Variants in ANGPT2 observed in about 807,000 individuals in gnomAD.
ANGPT2 encodes angiopoietin-2.
In ANGPT2, 28 loss-of-function variants were observed where a neutral mutation model predicts 62.9. That is an observed-to-expected ratio of 0.44 (90% confidence interval 0.33 to 0.61). ANGPT2 has a LOEUF of 0.61. Ranked by LOEUF, ANGPT2 falls within the 20% of genes least tolerant of loss-of-function variation. ANGPT2 has a pLI of 0.03. For missense variants in ANGPT2, 727 were observed against 594.9 expected, an observed-to-expected ratio of 1.22 and a Z score of -2.31; for synonymous variants, 284 against 207.8, an observed-to-expected ratio of 1.37 and a Z score of -3.15.
At chr8:6,531,625 T>C (rs779903838) in intron 2 of ANGPT2, among the ~76,000 whole-genome samples, 1 of 152,178 alleles carries the variant, frequency 6.6e-6, no homozygotes, top group Non-Finnish European at 1.5e-5. Context: ...TTTCTGTTAT[T>C]ATTAATCACT....
At chr8:6,504,213 G>C (rs892951686) in intron 8 of ANGPT2, among the ~76,000 whole-genome samples, 2 of 150,872 alleles carry the variant, frequency 1.3e-5, no homozygotes, top group East Asian at 3.9e-4. Context: ...AGCTACTCGG[G>C]AGGCTGAGGC....
chr8:6,532,586 A>AG, intron 1 of ANGPT2, 99 bp from the exon 2 acceptor site: 1 of 887,572 alleles, frequency 1.1e-6, no homozygotes, highest in East Asian at 3.0e-5. Flanking sequence ...AAAAAAAAAA[A>AG]AAAAAATCTA....
intron 1 of ANGPT2, among the ~76,000 whole-genome samples, chr8:6,542,626 G>T (rs544276637): frequency 6.6e-6 from 1 of 151,740 alleles, no homozygotes; most frequent in Non-Finnish European, 1.5e-5. Flanking sequence ...TGTCTGAGGA[G>T]CATTAACATT....
rs562047750 is a variant in ANGPT2 at position 6,517,876 on chromosome 8, T to C, written c.927+1988A>G. On this transcript the variant is annotated intron_variant, in intron 5 of 8. Transcript: ENST00000629816. ...TTAAGTCTGGAAGGGAATTTAGAAG[T>C]AACAATTGACACCACTTATTTTTCA... 1.5e-3 allele frequency among the ~76,000 whole-genome samples: 229 copies of C among 152,340 alleles called. 1 individual carries two copies. The highest frequency in any genetic ancestry group is 2.4e-3 in the Non-Finnish European group (166 of 68,028).
rs1272086949 is a variant in ANGPT2, at chr8:6,527,542, G to A, written c.566+13C>T. ...GCAGTCCTGAATTATAAATGTTTTA[G>A]TACTGTTATTACCTGTTCTTATCTT... On this transcript the variant is annotated intron_variant, in intron 3 of 8. Coordinates refer to ENST00000629816, the MANE Select transcript of ANGPT2 (RefSeq NM_001118887.2). The A allele has an allele frequency of 1.2e-6, 2 of 1,611,566 alleles. No individual in the cohort carries two copies. The highest frequency in any genetic ancestry group is 1.1e-5 in the South Asian group (1 of 90,540).
intron 1 of ANGPT2, among the ~76,000 whole-genome samples, chr8:6,561,874 G>T (rs571949429): frequency 6.6e-6 from 1 of 152,314 alleles, no homozygotes; most frequent in South Asian, 2.1e-4. Context: ...GGGATCATCT[G>T]TGAAACAGTG....
At chr8:6,541,811 C>G (rs1226084913) in intron 1 of ANGPT2, among the ~76,000 whole-genome samples, 1 of 152,054 alleles carries the variant, frequency 6.6e-6, no homozygotes, top group East Asian at 1.9e-4. Context: ...CAAGACCAGC[C>G]TAGGCAACAT....
Position 6,502,991 on chromosome 8 carries a change from A to T in ANGPT2, c.*110T>A. On this transcript the variant is annotated 3_prime_UTR_variant, in exon 9 of 9. Transcript: ENST00000629816. ...CATGTGGGTCCCGTCAGCACCGAGCACACGCCCTCTGTGGTGGAAGAGGAC... is the reference window on the plus strand; with the variant it reads ...CATGTGGGTCCCGTCAGCACCGAGCTCACGCCCTCTGTGGTGGAAGAGGAC... 7.6e-7 allele frequency: 1 copy of T among 1,318,060 alleles called. No individual in the cohort carries two copies. Among genetic ancestry groups the T allele is most frequent in the Non-Finnish European group, 1.1e-6 (1 of 942,338 alleles). 81.6% of individuals were successfully genotyped at this position (1,318,060 alleles called of 1,614,324 possible).
intron 1 of ANGPT2, among the ~76,000 whole-genome samples, chr8:6,556,829 T>G (rs1824701210): frequency 6.6e-6 from 1 of 152,072 alleles, no homozygotes; most frequent in Admixed American, 6.6e-5. Flanking sequence ...CCTCAAAGTG[T>G]CTTCCCATCT....
intron 5 of ANGPT2, among the ~76,000 whole-genome samples, chr8:6,516,933 A>C (rs1816379250): frequency 6.6e-6 from 1 of 152,222 alleles, no homozygotes; most frequent in Non-Finnish European, 1.5e-5. Flanking sequence ...GAGCCATATG[A>C]GTATTCGCTT....
intron 1 of ANGPT2, among the ~76,000 whole-genome samples, chr8:6,554,805 G>C (rs1421544789): frequency 1.3e-5 from 2 of 152,180 alleles, no homozygotes; most frequent in Non-Finnish European, 2.9e-5. Flanking sequence ...GAATTGCAAA[G>C]AGAAAGGTTT....
intron 1 of ANGPT2, among the ~76,000 whole-genome samples, chr8:6,537,675 C>T (rs146107092): frequency 0.011 from 1,655 of 152,076 alleles, 21 homozygotes; most frequent in Middle Eastern, 0.044. Flanking sequence ...ATTTGTGAGG[C>T]AACTATGGCA....
chr8:6,544,751 T>C (rs1428268439), intron 1 of ANGPT2, among the ~76,000 whole-genome samples: 1 of 152,196 alleles, frequency 6.6e-6, no homozygotes, highest in Non-Finnish European at 1.5e-5. Context: ...ATACAGCATT[T>C]AGAGTTACAC....
chr8:6,513,139 A>G (rs540077644), intron 7 of ANGPT2, among the ~76,000 whole-genome samples: 1 of 152,310 alleles, frequency 6.6e-6, no homozygotes, highest in South Asian at 2.1e-4. Context: ...TAGGCTTTGA[A>G]GATACACAGT....
intron 2 of ANGPT2, among the ~76,000 whole-genome samples, chr8:6,530,126 A>G (rs1181033056): frequency 6.6e-6 from 1 of 152,176 alleles, no homozygotes; most frequent in Admixed American, 6.5e-5. Flanking sequence ...GAGCTATTCA[A>G]TTACCCATCA....
intron 1 of ANGPT2, among the ~76,000 whole-genome samples, chr8:6,548,596 A>G (rs2129574681): frequency 6.6e-6 from 1 of 152,340 alleles, no homozygotes; most frequent in Admixed American, 6.5e-5. Flanking sequence ...AGGTACAGAA[A>G]GTACACCTGA....
chr8:6,526,375 A>G (rs528917574), intron 3 of ANGPT2, among the ~76,000 whole-genome samples: 3 of 151,662 alleles, frequency 2.0e-5, no homozygotes, highest in Admixed American at 6.6e-5. Context: ...TTGAGGATGC[A>G]GTAAGCTGAG....
chr8:6,551,624 G>C (rs1350566003), intron 1 of ANGPT2, among the ~76,000 whole-genome samples: 1 of 152,116 alleles, frequency 6.6e-6, no homozygotes, highest in Non-Finnish European at 1.5e-5. Context: ...CACTGGTGCA[G>C]TTAAGTTAAA....
At chr8:6,504,179 G>T (rs375261756) in intron 8 of ANGPT2, among the ~76,000 whole-genome samples, 1 of 151,842 alleles carries the variant, frequency 6.6e-6, no homozygotes, top group South Asian at 2.1e-4. Flanking sequence ...TTAGCCGGGC[G>T]TGGTGGCGGA....
Sources: gnomAD v4.1 joint callset for allele counts (sites outside exome capture counted in the v4.1 genomes callset) on GRCh38, gnomAD v4.1.1 for gene constraint, MANE v1.5 for transcripts, NCBI Gene and HGNC (gene_info 2026-07-23, HGNC 2026-07-21) for gene names.